The following LIN28A variants were observed in gnomAD, a reference collection of about 807,000 sequenced individuals.
The protein encoded by LIN28A is lin-28 RNA binding posttranscriptional regulator A.
Under a neutral mutation model 21.1 loss-of-function variants are expected in LIN28A, and 11 were observed. The observed-to-expected ratio is 0.52, with a 90% CI of 0.33 to 0.86. The LOEUF is 0.86. LIN28A is among the 40% of genes least tolerant of loss of function. The pLI, the probability that LIN28A is intolerant of heterozygous loss-of-function variation, is 0.03. For missense variants in LIN28A, 219 were observed against 279.8 expected (o/e 0.78, Z 1.55); for synonymous variants, 111 against 108.7 (o/e 1.02, Z -0.13).
At chr1:26,419,735 G>A (rs911179806) in intron 2 of LIN28A, among the ~76,000 whole-genome samples, 2 of 152,102 alleles carry the variant, frequency 1.3e-5, no homozygotes, top group Non-Finnish European at 2.9e-5. Context: ...AGAAAGGAGG[G>A]AACAGGCCAT....
intron 2 of LIN28A, among the ~76,000 whole-genome samples, chr1:26,421,813 A>C (rs2075029980): frequency 6.6e-6 from 1 of 152,134 alleles, no homozygotes. Flanking sequence ...AACTTTAAAA[A>C]GGCTGCAAGA....
At position 26,411,382 on chromosome 1, in the gene LIN28A, C is replaced by A; in HGVS notation, c.32-4C>A. 7 of 1,587,134 alleles carry A rather than the reference C, an allele frequency of 4.4e-6. No homozygotes were observed. In the South Asian group the frequency reaches 6.8e-5, roughly 15 times the overall value. On this transcript the variant is annotated splice_region_variant and splice_polypyrimidine_tract_variant and intron_variant, in intron 1 of 3. Coordinates refer to ENST00000326279, the MANE Select transcript of LIN28A (RefSeq NM_024674.6). The surrounding 1 kb of genome is among the most constrained non-coding windows in gnomAD (Gnocchi z 5.4). ...GCTAAGTGCCCGGCCCTCCCTCTCTCCAGGTGGCTGCGCCAAGGCGGCAGA... is the reference window on the plus strand; with the variant it reads ...GCTAAGTGCCCGGCCCTCCCTCTCTACAGGTGGCTGCGCCAAGGCGGCAGA...
intron 2 of LIN28A, among the ~76,000 whole-genome samples, chr1:26,419,915 A>G (rs1002921030): frequency 1.3e-5 from 2 of 152,074 alleles, no homozygotes; most frequent in Non-Finnish European, 2.9e-5. Context: ...CACTAATTGC[A>G]TCTCTTGTCC....
chr1:26,418,087 G>C (rs1366493027), intron 2 of LIN28A, among the ~76,000 whole-genome samples: 3 of 151,710 alleles, frequency 2.0e-5, no homozygotes, highest in Non-Finnish European at 2.9e-5. Flanking sequence ...GACCCCTAAG[G>C]CTCATTCTAT....
At chr1:26,423,052 C>G (rs1465669546) in intron 2 of LIN28A, among the ~76,000 whole-genome samples, 1 of 152,088 alleles carries the variant, frequency 6.6e-6, no homozygotes, top group Non-Finnish European at 1.5e-5. Context: ...CCCACCTCTG[C>G]TGGGATTACA....
intron 2 of LIN28A, among the ~76,000 whole-genome samples, chr1:26,415,783 C>T (rs2074989673): frequency 6.6e-6 from 1 of 152,006 alleles, no homozygotes; most frequent in African/African-American, 2.4e-5. Flanking sequence ...CAGAGAGGTT[C>T]CTCTCGTTTT....
At chr1:26,419,509 G>A (rs2075016526) in intron 2 of LIN28A, among the ~76,000 whole-genome samples, 1 of 152,088 alleles carries the variant, frequency 6.6e-6, no homozygotes, top group Admixed American at 6.5e-5. Flanking sequence ...CTTAGAGAGG[G>A]GATATTCTTC....
intron 2 of LIN28A, 103 bp from the exon 3 acceptor site, chr1:26,425,200 G>C (rs1159394855): frequency 1.8e-6 from 2 of 1,120,316 alleles, no homozygotes. Context: ...TAAAATAGGA[G>C]TACCATCACA....
At chr1:26,424,736 G>A (rs552087781) in intron 2 of LIN28A, among the ~76,000 whole-genome samples, 1 of 149,138 alleles carries the variant, frequency 6.7e-6, no homozygotes, top group Non-Finnish European at 1.5e-5. Context: ...TTTTCTGTTT[G>A]TTGTTGTTTG....
At chr1:26,423,538 T>C (rs1242706945) in intron 2 of LIN28A, among the ~76,000 whole-genome samples, 1 of 148,078 alleles carries the variant, frequency 6.8e-6, no homozygotes, top group East Asian at 2.1e-4. Flanking sequence ...GCCTCCCAAG[T>C]AGCTGGGATT....
chr1:26,427,531 A>T lies in LIN28A; in HGVS notation c.*1073A>T, dbSNP rs1018078054. On this transcript the variant is annotated 3_prime_UTR_variant, in exon 4 of 4. Coordinates refer to ENST00000326279, the MANE Select transcript of LIN28A (RefSeq NM_024674.6). ...ATTAGTCTAAACAGGAAATGGTGGT[A>T]CACAGAGGCTAGGAGAGGCTGGGCC... 2 of 152,654 alleles carry T rather than the reference A, an allele frequency of 1.3e-5. No individual in the cohort carries two copies. Among genetic ancestry groups the T allele is most frequent in the Non-Finnish European group, 2.9e-5 (2 of 68,076 alleles). The allele number at this position is 152,654 out of a possible 1,614,324, so 9.5% of individuals were successfully genotyped here. A position where few individuals can be genotyped will look rare whatever the true frequency, so the allele number is the denominator to read the frequency against.
intron 2 of LIN28A, among the ~76,000 whole-genome samples, chr1:26,419,697 G>C (rs1489829451): frequency 6.6e-6 from 1 of 152,144 alleles, no homozygotes; most frequent in South Asian, 2.1e-4. Flanking sequence ...CATAAAATTA[G>C]TATTTACTCC....
intron 2 of LIN28A, among the ~76,000 whole-genome samples, chr1:26,419,657 C>T (rs1281702060): frequency 6.6e-6 from 1 of 152,146 alleles, no homozygotes; most frequent in East Asian, 1.9e-4. Context: ...GTGCTAACTA[C>T]TTTTCATGTG....
chr1:26,424,594 G>A (rs1013406490), intron 2 of LIN28A, among the ~76,000 whole-genome samples: 3 of 152,168 alleles, frequency 2.0e-5, no homozygotes, highest in Middle Eastern at 3.4e-3. Context: ...TTTTTGAGAC[G>A]AAGTCTTGCT....
Position 26,415,983 on chromosome 1 carries a change from CT to C in LIN28A, c.228+4409del, listed in dbSNP as rs61537385. On this transcript the variant is annotated intron_variant, in intron 2 of 3. Coordinates refer to ENST00000326279, the MANE Select transcript of LIN28A (RefSeq NM_024674.6). The stretch of plus-strand genomic sequence containing the variant: ...TCTGAGACATGCTTCTAGACAATGT[CT>C]TTTTTTTATTTTTATTTTTATTTTT... Among the ~76,000 whole-genome samples, 3 of 151,912 alleles carry C rather than the reference CT, an allele frequency of 2.0e-5. No individual in the cohort carries two copies. In the East Asian group the frequency reaches 5.8e-4, roughly 29 times the overall value.
At position 26,426,428 on chromosome 1, in the gene LIN28A, C is replaced by T. The variant is rs757331207; in HGVS notation, c.600C>T (p.Ser200=). 5.0e-5 allele frequency: 80 copies of T among 1,614,184 alleles called. 1 individual carries two copies. Among genetic ancestry groups the T allele is most frequent in the Non-Finnish European group, 6.4e-5 (76 of 1,180,004 alleles). The change falls in exon 4 of 4, where the codon AGC becomes AGT. Residue 200 remains serine (S), a synonymous_variant. Coordinates refer to ENST00000326279, the MANE Select transcript of LIN28A (RefSeq NM_024674.6). ...GAGAGGAAGAAGAAGAAATCCACAG[C>T]CCTACCCTGCTCCCGGAGGCACAGA... ...YFREEEEEIH[S]PTLLPEAQN
intron 2 of LIN28A, among the ~76,000 whole-genome samples, chr1:26,417,007 A>G (rs1570311894): frequency 1.7e-5 from 2 of 120,214 alleles, no homozygotes; most frequent in South Asian, 5.4e-4. Flanking sequence ...AAGTCTAGGA[A>G]CCTTTCATTC....
intron 3 of LIN28A, among the ~76,000 whole-genome samples, chr1:26,425,905 A>G (rs2075056315): frequency 6.6e-6 from 1 of 152,236 alleles, no homozygotes; most frequent in African/African-American, 2.4e-5. Context: ...AACAGATACT[A>G]TAATTTGGCT....
intron 2 of LIN28A, among the ~76,000 whole-genome samples, chr1:26,416,641 G>C (rs917660896): frequency 3.3e-5 from 5 of 150,800 alleles, no homozygotes; most frequent in South Asian, 2.1e-4. Context: ...TTTTTGAGAC[G>C]GAATCTCTCT....
Sources: gnomAD v4.1 joint callset for allele counts (sites outside exome capture counted in the v4.1 genomes callset) on GRCh38, gnomAD v4.1.1 for gene constraint, Gnocchi (gnomAD v3.1) non-coding constraint, MANE v1.5 for transcripts, NCBI Gene and HGNC (gene_info 2026-07-23, HGNC 2026-07-21) for gene names.